The following BLTP1 variants were observed in gnomAD, a reference collection of about 807,000 sequenced individuals.
The protein encoded by BLTP1 is fragile site-associated protein.
At chr4:122,232,732 C>T in the BLTP1 span, among the ~76,000 whole-genome samples, 13 of 152,142 alleles carry the variant, frequency 8.5e-5, no homozygotes, top group Non-Finnish European at 1.9e-4. Context: ...TGGAAGCAAG[C>T]CTACTCTTTT....
chr4:122,349,811 G>A, the BLTP1 span: 1 of 1,594,006 alleles, frequency 6.3e-7, no homozygotes, highest in East Asian at 2.2e-5. This position sits in a 1 kb window ranked among gnomAD's most constrained non-coding sequence, Gnocchi z 4.5. Context: ...TACTTTTTGA[G>A]TATCTGCTGT....
chr4:122,208,321 T>G, the BLTP1 span: 1 of 807,238 alleles, frequency 1.2e-6, no homozygotes, highest in Non-Finnish European at 1.5e-6. Flanking sequence ...AGAGAGTTAT[T>G]GGGCAGTATA....
chr4:122,345,553 T>G, the BLTP1 span, among the ~76,000 whole-genome samples: 5 of 143,994 alleles, frequency 3.5e-5, no homozygotes, highest in East Asian at 9.7e-4. Context: ...GAGCCAGAAA[T>G]AGAGAGGCTA....
chr4:122,288,469 C>A, the BLTP1 span, among the ~76,000 whole-genome samples: 1 of 151,876 alleles, frequency 6.6e-6, no homozygotes, highest in African/African-American at 2.4e-5. Flanking sequence ...TCGCTTGAGG[C>A]CAGGAGTTTG....
chr4:122,169,669 A>G, the BLTP1 span: 2 of 933,464 alleles, frequency 2.1e-6, no homozygotes, highest in Non-Finnish European at 2.6e-6. Context: ...GTGTGCATAT[A>G]TACATATACA....
At chr4:122,255,801 G>A in the BLTP1 span, among the ~76,000 whole-genome samples, 7 of 152,248 alleles carry the variant, frequency 4.6e-5, 1 homozygote, top group South Asian at 1.2e-3. Context: ...GCTCAGGGAT[G>A]GAATCCTGAA....
At chr4:122,252,352 G>C in the BLTP1 span, among the ~76,000 whole-genome samples, 5 of 152,332 alleles carry the variant, frequency 3.3e-5, no homozygotes, top group African/African-American at 4.8e-5. Context: ...GGCTCTTGGG[G>C]TACCTGATTT....
At chr4:122,266,496 T>A in the BLTP1 span, among the ~76,000 whole-genome samples, 1 of 152,186 alleles carries the variant, frequency 6.6e-6, no homozygotes, top group Non-Finnish European at 1.5e-5. Flanking sequence ...AACTAATTCA[T>A]AATTTTATTT....
chr4:122,273,248 T>C, the BLTP1 span: 87 of 971,760 alleles, frequency 9.0e-5, no homozygotes, highest in Non-Finnish European at 1.0e-4. Flanking sequence ...TACTTTTTGT[T>C]ATATACCCTT....
At chr4:122,321,567 G>GAT in the BLTP1 span, among the ~76,000 whole-genome samples, 2 of 152,086 alleles carry the variant, frequency 1.3e-5, no homozygotes, top group South Asian at 2.1e-4. Context: ...ACACACATGT[G>GAT]ATATATATAG....
the BLTP1 span, chr4:122,270,482 G>C: frequency 2.6e-6 from 1 of 384,674 alleles, no homozygotes; most frequent in Non-Finnish European, 3.6e-6. Context: ...TAAGCAGGAG[G>C]ATTTGCCAAA....
At chr4:122,188,185 G>C in the BLTP1 span, 1 of 1,230,710 alleles carries the variant, frequency 8.1e-7, no homozygotes, top group Non-Finnish European at 1.0e-6. Flanking sequence ...GCTACAAGTT[G>C]TACAAAAATT....
At chr4:122,187,253 C>A in the BLTP1 span, 1 of 982,192 alleles carries the variant, frequency 1.0e-6, no homozygotes. Flanking sequence ...CTCCAGTAGA[C>A]AGCTGTAGGA....
chr4:122,247,548 A>C, the BLTP1 span: 526 of 1,053,932 alleles, frequency 5.0e-4, 1 homozygote, highest in African/African-American at 7.7e-3. Flanking sequence ...ACAGAATAGA[A>C]AATAAACTTT....
the BLTP1 span, chr4:122,188,853 G>A: frequency 1.4e-6 from 1 of 704,122 alleles, no homozygotes; most frequent in South Asian, 6.4e-5. Context: ...GAGGTTTTAT[G>A]TGAAACATGA....
chr4:122,245,086 T>C, the BLTP1 span: 23 of 1,611,942 alleles, frequency 1.4e-5, no homozygotes, highest in African/African-American at 2.0e-4. Context: ...ATGATCTTCA[T>C]GCTAAAGTCC....
the BLTP1 span, among the ~76,000 whole-genome samples, chr4:122,252,859 A>G: frequency 6.6e-6 from 1 of 152,138 alleles, no homozygotes; most frequent in Non-Finnish European, 1.5e-5. Flanking sequence ...ACCCAGTGCT[A>G]TGCTGGCTTC....
At chr4:122,292,604 T>C in the BLTP1 span, 5 of 932,804 alleles carry the variant, frequency 5.4e-6, no homozygotes, top group Non-Finnish European at 6.4e-6. Context: ...AAGATTTCGC[T>C]CTACTTAAGT....
At chr4:122,255,057 A>G in the BLTP1 span, 3 of 1,512,836 alleles carry the variant, frequency 2.0e-6, no homozygotes, top group African/African-American at 4.2e-5. Flanking sequence ...CAAGTTCTTA[A>G]TTACTGAATG....
Sources: gnomAD v4.1 joint callset for allele counts (sites outside exome capture counted in the v4.1 genomes callset) on GRCh38, gnomAD v4.1.1 for gene constraint, Gnocchi (gnomAD v3.1) non-coding constraint, MANE v1.5 for transcripts, NCBI Gene and HGNC (gene_info 2026-07-23, HGNC 2026-07-21) for gene names.